The following MYO3A variants were observed in gnomAD, a reference collection of about 807,000 sequenced individuals.
MYO3A encodes the protein myosin IIIA.
In MYO3A, 180 loss-of-function variants were observed where a neutral mutation model predicts 192.7. The observed-to-expected ratio is 0.93, with a 90% confidence interval of 0.83 to 1.06. MYO3A has a LOEUF of 1.06. Ranked by LOEUF, MYO3A falls within the 50% of genes least tolerant of loss-of-function variation. The pLI, the probability that MYO3A is intolerant of heterozygous loss-of-function variation, is 0.00. For missense variants in MYO3A, 1,896 were observed against 1,905.0 expected (o/e 1.00, Z 0.09); for synonymous variants, 628 against 645.3 (o/e 0.97, Z 0.41).
intron 20 of MYO3A, among the ~76,000 whole-genome samples, chr10:26,135,996 C>A (rs374233155): frequency 1.3e-5 from 2 of 150,198 alleles, no homozygotes; most frequent in African/African-American, 4.9e-5. Context: ...AACAGAAACT[C>A]TATCTTTCTG....
At chr10:26,089,596 A>T (rs1024091488) in intron 15 of MYO3A, among the ~76,000 whole-genome samples, 1 of 150,288 alleles carries the variant, frequency 6.7e-6, no homozygotes, top group Non-Finnish European at 1.5e-5. Flanking sequence ...GCGAGACTCC[A>T]TCTCAAAAAA....
At chr10:25,990,686 G>A (rs1297659766) in intron 4 of MYO3A, among the ~76,000 whole-genome samples, 2 of 117,554 alleles carry the variant, frequency 1.7e-5, no homozygotes, top group African/African-American at 3.4e-5. Context: ...AACAGGCCCT[G>A]GTGTGTGATG....
intron 4 of MYO3A, among the ~76,000 whole-genome samples, chr10:25,970,642 AGAG>A (rs1838578770): frequency 6.6e-6 from 1 of 151,958 alleles, no homozygotes. Flanking sequence ...AATGAAAGGA[AGAG>A]TTGTCTCTTA....
intron 32 of MYO3A, among the ~76,000 whole-genome samples, chr10:26,199,665 A>G (rs1335431769): frequency 6.6e-6 from 1 of 152,184 alleles, no homozygotes; most frequent in African/African-American, 2.4e-5. Flanking sequence ...GTAACTGAGA[A>G]CCAACTTATA....
intron 17 of MYO3A, among the ~76,000 whole-genome samples, chr10:26,118,990 G>C (rs1478688487): frequency 6.6e-6 from 1 of 152,114 alleles, no homozygotes; most frequent in African/African-American, 2.4e-5. Flanking sequence ...TCACCTCTCT[G>C]AGTTCTTACT....
intron 14 of MYO3A, among the ~76,000 whole-genome samples, chr10:26,074,910 T>A (rs1835436643): frequency 6.6e-6 from 1 of 152,056 alleles, no homozygotes; most frequent in Admixed American, 6.6e-5. Flanking sequence ...TTGAGGTGAT[T>A]TTTTGTGTAT....
chr10:25,997,248 A>T lies in MYO3A; in HGVS notation c.498A>T (p.Leu166=). 4 of 1,611,110 alleles carry T rather than the reference A, an allele frequency of 2.5e-6. No homozygotes were observed. Among genetic ancestry groups the T allele is most frequent in the Non-Finnish European group, 3.4e-6 (4 of 1,177,416 alleles). Reference sequence around the variant, plus strand: ...TGACCACGGAAGGTGGAGTGAAACTAGTAGATTTTGGTAAGTTTTGTTTAA... The same window carrying T: ...TGACCACGGAAGGTGGAGTGAAACTTGTAGATTTTGGTAAGTTTTGTTTAA... The part of the protein sequence containing the change: ...ILLTTEGGVK[L]VDFGVSAQLT... The change falls in exon 6 of 35, where the codon CTA becomes CTT. Residue 166 remains leucine, a synonymous_variant. Coordinates refer to ENST00000642920, the MANE Select transcript of MYO3A (RefSeq NM_017433.5).
At position 26,201,286 on chromosome 10, in the gene MYO3A, C is replaced by A. The variant is rs727504688; in HGVS notation, c.4567C>A (p.Arg1523=). 6 of 1,578,928 alleles carry A rather than the reference C, an allele frequency of 3.8e-6. No homozygotes were observed. The highest frequency in any genetic ancestry group is 3.4e-4 in the Middle Eastern group (2 of 5,852). The part of the protein sequence containing the change: ...LLHKSIQEEK[R]RPRKDSQGKL... ...TTAGAAGTCAATCCAAGAAGAAAAA[C>A]GAAGACCAAGGAAAGACAGGTAATT... The change falls in exon 33 of 35, where the codon CGA becomes AGA. Residue 1523 remains arginine (R), a synonymous_variant. Coordinates refer to ENST00000642920, the MANE Select transcript of MYO3A (RefSeq NM_017433.5).
At chr10:26,087,256 C>A (rs79729318) in intron 14 of MYO3A, among the ~76,000 whole-genome samples, 9,293 of 152,278 alleles carry the variant, frequency 0.061, 370 homozygotes, top group Non-Finnish European at 0.089. Flanking sequence ...TCTTCTTCCA[C>A]ACCTTATTGC....
intron 17 of MYO3A, among the ~76,000 whole-genome samples, chr10:26,102,449 C>T (rs1219879659): frequency 2.0e-4 from 31 of 152,224 alleles, no homozygotes; most frequent in Admixed American, 2.0e-3. Flanking sequence ...TGGTGAGGAG[C>T]TGCATTCCTT....
intron 23 of MYO3A, among the ~76,000 whole-genome samples, chr10:26,152,499 A>G (rs1840853484): frequency 1.3e-5 from 2 of 152,210 alleles, no homozygotes; most frequent in Non-Finnish European, 2.9e-5. Flanking sequence ...ATGACTTCAC[A>G]TATGACATAC....
intron 17 of MYO3A, among the ~76,000 whole-genome samples, chr10:26,116,540 C>A (rs1245292136): frequency 6.6e-6 from 1 of 152,158 alleles, no homozygotes; most frequent in African/African-American, 2.4e-5. Context: ...ACATATGAAT[C>A]TGAGGGGGAC....
At chr10:25,944,118 A>C (rs550432987) in intron 2 of MYO3A, among the ~76,000 whole-genome samples, 1 of 151,874 alleles carries the variant, frequency 6.6e-6, no homozygotes, top group Non-Finnish European at 1.5e-5. Flanking sequence ...AGGGTGTTGA[A>C]TTTTGTCAAA....
intron 10 of MYO3A, among the ~76,000 whole-genome samples, chr10:26,051,898 A>G (rs571499409): frequency 6.6e-6 from 1 of 152,292 alleles, no homozygotes; most frequent in South Asian, 2.1e-4. Flanking sequence ...AAAGCTGAAA[A>G]TATTTATCTG....
At chr10:26,083,197 C>T (rs1024239035) in intron 14 of MYO3A, among the ~76,000 whole-genome samples, 1 of 152,124 alleles carries the variant, frequency 6.6e-6, no homozygotes. Context: ...ACTGCAAGAA[C>T]TGTGATACTG....
At chr10:26,205,208 G>C (rs1368863864) in intron 34 of MYO3A, among the ~76,000 whole-genome samples, 1 of 152,122 alleles carries the variant, frequency 6.6e-6, no homozygotes, top group Non-Finnish European at 1.5e-5. Context: ...GGAATGGCTT[G>C]ATCATGCTAA....
At position 26,081,151 on chromosome 10, in the gene MYO3A, C is replaced by T. The variant is rs970116664; in HGVS notation, c.1360-7052C>T. ...ATGCCCTTCCCCCCCCCCCCGCCCC[C>T]GCTACCAGGGTGGGTAGGGAAGGAC... On this transcript the variant is annotated intron_variant, in intron 14 of 34. Coordinates refer to ENST00000642920, the MANE Select transcript of MYO3A (RefSeq NM_017433.5). 8.3e-5 allele frequency among the ~76,000 whole-genome samples: 9 copies of T among 108,684 alleles called. 1 individual carries two copies. The highest frequency in any genetic ancestry group is 6.2e-4 in the East Asian group (3 of 4,822). 71.3% of individuals were successfully genotyped at this position (108,684 alleles called of 152,430 possible). A position where few individuals can be genotyped will look rare whatever the true frequency, so the allele number is the denominator to read the frequency against.
At chr10:26,103,191 G>A (rs1196666720) in intron 17 of MYO3A, among the ~76,000 whole-genome samples, 1 of 152,228 alleles carries the variant, frequency 6.6e-6, no homozygotes, top group African/African-American at 2.4e-5. Flanking sequence ...TCCGGGCCAT[G>A]TGTGGGATAT....
At position 26,029,577 on chromosome 10, in the gene MYO3A, A is replaced by G. The variant is rs78265886; in HGVS notation, c.953+3045A>G. On this transcript the variant is annotated intron_variant, in intron 10 of 34. Coordinates refer to ENST00000642920, the MANE Select transcript of MYO3A (RefSeq NM_017433.5). ...TTTTTCGTGCTGATATCTATTATAC[A>G]TCAACATCTATAGTTTTCATTTATA... Among the ~76,000 whole-genome samples the G allele has an allele frequency of 4.3e-4, 66 of 152,280 alleles. 1 individual carries two copies. In the East Asian group the frequency reaches 0.012, roughly 28 times the overall value.
Sources: gnomAD v4.1 joint callset for allele counts (sites outside exome capture counted in the v4.1 genomes callset) on GRCh38, gnomAD v4.1.1 for gene constraint, MANE v1.5 for transcripts, NCBI Gene and HGNC (gene_info 2026-07-23, HGNC 2026-07-21) for gene names.